ZFHX3: variants seen among roughly 807,000 people sequenced by gnomAD.
ZFHX3 encodes zinc finger homeobox protein 3.
A neutral mutation model predicts 279.1 loss-of-function variants in ZFHX3; 42 were observed. The ratio of observed to expected loss-of-function variants is 0.15; its 90% confidence interval spans 0.12 to 0.19. The LOEUF (loss-of-function observed/expected upper bound fraction) is 0.19. ZFHX3 is among the 10% of genes least tolerant of loss of function. ZFHX3 has a pLI of 1.00. For synonymous variants in ZFHX3, 2,293 were observed against 1,957.8 expected (o/e 1.17, Z -4.52); for missense variants, 4,981 against 4,754.0 (o/e 1.05, Z -1.40).
At chr16:73,038,929 C>G (rs1003519929) in intron 1 of ZFHX3, among the ~76,000 whole-genome samples, 4 of 151,772 alleles carry the variant, frequency 2.6e-5, no homozygotes, top group African/African-American at 9.7e-5. Flanking sequence ...TCCCGAGTAG[C>G]TAGGAATACA....
At chr16:73,779,482 C>T (rs995025569) in intron 1 of ZFHX3, among the ~76,000 whole-genome samples, 1 of 152,082 alleles carries the variant, frequency 6.6e-6, no homozygotes, top group African/African-American at 2.4e-5. Context: ...CTCCCGGGTC[C>T]TAAAATCCCA....
intron 1 of ZFHX3, among the ~76,000 whole-genome samples, chr16:73,021,215 G>A (rs1177574349): frequency 6.6e-6 from 1 of 152,208 alleles, no homozygotes; most frequent in Non-Finnish European, 1.5e-5. Context: ...AGAGCAGCGA[G>A]GAAAGACAAT....
chr16:73,736,881 T>A (rs2053614250), intron 1 of ZFHX3, among the ~76,000 whole-genome samples: 1 of 152,200 alleles, frequency 6.6e-6, no homozygotes, highest in Non-Finnish European at 1.5e-5. Context: ...TTTCAAGAGA[T>A]CACTGTGTGT....
intron 2 of ZFHX3, among the ~76,000 whole-genome samples, chr16:73,648,395 A>T (rs1015244724): frequency 1.3e-5 from 2 of 151,750 alleles, no homozygotes; most frequent in Non-Finnish European, 2.9e-5. Context: ...TTTAATTTTT[A>T]TTTTTTTTCT....
intron 5 of ZFHX3, among the ~76,000 whole-genome samples, chr16:73,159,082 A>T (rs1221454608): frequency 1.3e-5 from 2 of 152,198 alleles, no homozygotes; most frequent in African/African-American, 4.8e-5. Context: ...GACAAATGAG[A>T]TCTAATTGAA....
Position 72,788,716 on chromosome 16 carries a change from G to A in ZFHX3, c.9560C>T (p.Thr3187Met), listed in dbSNP as rs754898697. The A allele has an allele frequency of 3.7e-6, 6 of 1,610,054 alleles. No individual in the cohort carries two copies. The highest frequency in any genetic ancestry group is 2.2e-5 in the East Asian group (1 of 44,838). ...GGGTTGCTGAGGGCCCATCGCCATC[G>A]TGGCTTGTGCTGGGGTTGGGGAGCT... ...SLSSPTPAQA[T>M]MAMGPQQPPQ... The change falls in exon 10 of 10, where the codon ACG (threonine) becomes ATG (methionine). Residue 3187 changes from threonine to methionine, a missense_variant. Transcript: ENST00000268489.
intron 5 of ZFHX3, among the ~76,000 whole-genome samples, chr16:73,162,396 G>T (rs1967261005): frequency 6.6e-6 from 1 of 152,314 alleles, no homozygotes; most frequent in African/African-American, 2.4e-5. Context: ...CTCTTTGGCT[G>T]CAGGAAAACA....
intron 1 of ZFHX3, among the ~76,000 whole-genome samples, chr16:72,988,131 G>A (rs192088217): frequency 1.3e-5 from 2 of 152,318 alleles, no homozygotes; most frequent in East Asian, 3.9e-4. Context: ...GGCCAGTCGA[G>A]CCTGCATAAG....
intron 5 of ZFHX3, among the ~76,000 whole-genome samples, chr16:73,224,570 T>C (rs2012532613): frequency 6.6e-6 from 1 of 152,216 alleles, no homozygotes. Context: ...CCTGGCACCA[T>C]ATTTCTAGAG....
At chr16:73,663,387 A>G (rs2052804781) in intron 2 of ZFHX3, among the ~76,000 whole-genome samples, 2 of 152,166 alleles carry the variant, frequency 1.3e-5, no homozygotes, top group Admixed American at 6.5e-5. Flanking sequence ...GGGCACCTTG[A>G]CCACCTCCAC....
chr16:73,282,694 T>C (rs575342500), intron 4 of ZFHX3, among the ~76,000 whole-genome samples: 1 of 152,346 alleles, frequency 6.6e-6, no homozygotes, highest in South Asian at 2.1e-4. Flanking sequence ...GGTAGTGTTG[T>C]TTTAGCCCTC....
At chr16:73,891,236 C>T (rs1339876265) in intron 1 of ZFHX3, among the ~76,000 whole-genome samples, 1 of 152,140 alleles carries the variant, frequency 6.6e-6, no homozygotes, top group South Asian at 2.1e-4. Flanking sequence ...ATCCCCACCT[C>T]TCCCCCCAGC....
chr16:73,689,502 G>A (rs959043170), intron 1 of ZFHX3, among the ~76,000 whole-genome samples: 2 of 152,096 alleles, frequency 1.3e-5, no homozygotes, highest in African/African-American at 2.4e-5. Flanking sequence ...TGCTTCCTTT[G>A]CTGTGGGAAA....
intron 2 of ZFHX3, among the ~76,000 whole-genome samples, chr16:73,574,580 T>A (rs1444192049): frequency 6.6e-6 from 1 of 152,100 alleles, no homozygotes; most frequent in Non-Finnish European, 1.5e-5. Context: ...CCAGTGAAGG[T>A]TTGACTTGTG....
chr16:73,208,370 G>T (rs768344705), intron 5 of ZFHX3, among the ~76,000 whole-genome samples: 4 of 152,136 alleles, frequency 2.6e-5, no homozygotes, highest in Non-Finnish European at 5.9e-5. Context: ...TATCATGGGT[G>T]CCAAACAACA....
intron 2 of ZFHX3, among the ~76,000 whole-genome samples, chr16:73,483,647 G>T (rs1334014448): frequency 6.6e-6 from 1 of 152,056 alleles, no homozygotes; most frequent in Non-Finnish European, 1.5e-5. Flanking sequence ...ACCCATAATT[G>T]CCATGATAGT....
At chr16:73,760,956 G>A (rs1192398185) in intron 1 of ZFHX3, among the ~76,000 whole-genome samples, 1 of 149,098 alleles carries the variant, frequency 6.7e-6, no homozygotes. Context: ...ATTCAACATA[G>A]TATTTGGAAG....
chr16:73,514,911 T>C (rs2143695197), intron 2 of ZFHX3, among the ~76,000 whole-genome samples: 1 of 152,294 alleles, frequency 6.6e-6, no homozygotes, highest in Middle Eastern at 3.4e-3. Flanking sequence ...CATCTTTTCC[T>C]CTCTCTCCCC....
intron 4 of ZFHX3, among the ~76,000 whole-genome samples, chr16:73,277,775 T>C (rs2014338836): frequency 6.6e-6 from 1 of 152,198 alleles, no homozygotes; most frequent in Non-Finnish European, 1.5e-5. Context: ...AGAGGTTTAG[T>C]TGGCTCACGG....
Sources: gnomAD v4.1 joint callset for allele counts (sites outside exome capture counted in the v4.1 genomes callset) on GRCh38, gnomAD v4.1.1 for gene constraint, MANE v1.5 for transcripts, NCBI Gene and HGNC (gene_info 2026-07-23, HGNC 2026-07-21) for gene names.